MIDEAS: variants seen among roughly 807,000 people sequenced by gnomAD.
MIDEAS encodes mitotic deacetylase-associated SANT domain protein.
Under a neutral mutation model 102.7 loss-of-function variants are expected in MIDEAS, and 26 were observed. That is an observed-to-expected ratio of 0.25 (90% CI 0.19 to 0.35). MIDEAS has a LOEUF of 0.35. Among genes scored for constraint, MIDEAS ranks in the 10% least tolerant of loss-of-function variants. The pLI is 1.00. For synonymous variants in MIDEAS, 585 were observed against 591.0 expected (o/e 0.99, Z 0.15); for missense variants, 1,231 against 1,435.6 (o/e 0.86, Z 2.30).
intron 1 of MIDEAS, among the ~76,000 whole-genome samples, chr14:73,754,664 G>A (rs1054258404): frequency 6.6e-6 from 1 of 152,144 alleles, no homozygotes; most frequent in African/African-American, 2.4e-5. Flanking sequence ...CTGGAATTAG[G>A]ACTATGACCC....
chr14:73,762,607 G>C (rs188107714), upstream of MIDEAS, among the ~76,000 whole-genome samples: 6 of 152,288 alleles, frequency 3.9e-5, no homozygotes, highest in Admixed American at 2.6e-4. Context: ...CAGCGCTTCC[G>C]GGAAAGCCCT....
chr14:73,719,411 C>T lies in MIDEAS; in HGVS notation c.3028G>A (p.Gly1010Arg), dbSNP rs202148024. 1 of 1,614,126 alleles carries T rather than the reference C, an allele frequency of 6.2e-7. No homozygotes were observed. The highest frequency in any genetic ancestry group is 2.2e-5 in the East Asian group (1 of 44,868). ...QASEKPREGT[G>R]KSRRALPFSE... ...AAAGGTAGTGCCCTTCGTGACTTCC[C>T]TGTCCCTTCCCTTGGCTTCTCCGAG... The change falls in exon 12 of 13, where the codon GGG (glycine) becomes AGG (arginine). Residue 1010 changes from glycine to arginine, a missense_variant. Around this residue, in one of 5 missense-constraint regions of MIDEAS, gnomAD observed 391 missense variants for 483.0 expected, o/e 0.81. Coordinates refer to ENST00000423556, the MANE Select transcript of MIDEAS (RefSeq NM_001367710.1).
intron 9 of MIDEAS, chr14:73,724,562 C>T (rs1206699178): frequency 6.6e-6 from 1 of 152,586 alleles, no homozygotes; most frequent in East Asian, 1.9e-4. Flanking sequence ...CAACAGGGCC[C>T]TTGTAGGGGA....
chr14:73,726,682 G>A lies in MIDEAS; in HGVS notation c.2331C>T (p.Cys777=), dbSNP rs1157474574. The change falls in exon 7 of 13, where the codon TGC becomes TGT. Residue 777 remains cysteine, a synonymous_variant. Transcript: ENST00000423556. ...TGCCAGCACCAGGGAAAATGCTGGA[G>A]CAGGCGGCTGTCAGCAGGTCTTCCA... ...RQVEDLLTAA[C]SSIFPGAGTN... The A allele has an allele frequency of 2.5e-6, 4 of 1,614,140 alleles. No individual in the cohort carries two copies. Among genetic ancestry groups the A allele is most frequent in the Admixed American group, 1.7e-5 (1 of 60,012 alleles).
upstream of MIDEAS, chr14:73,789,090 C>T (rs1189056254): frequency 6.6e-6 from 1 of 152,118 alleles, no homozygotes; most frequent in Non-Finnish European, 1.5e-5. Flanking sequence ...CTAAGATGCG[C>T]CCCCTGCCAA....
Position 73,739,406 on chromosome 14 carries a change from G to C in MIDEAS, c.603C>G (p.Phe201Leu). ...VGRPQAPLNS[F>L]HAAKKPPNQS... ...GGTTTGGGGGTTTCTTGGCTGCGTG[G>C]AAAGAATTCAGGGGTGCCTGGGGCC... The change falls in exon 2 of 13, where the codon TTC becomes TTG. Residue 201 changes from phenylalanine (F) to leucine (L), a missense_variant. Transcript: ENST00000423556. The C allele has an allele frequency of 6.3e-7, 1 of 1,580,400 alleles. No homozygotes were observed. Among genetic ancestry groups the C allele is most frequent in the Non-Finnish European group, 8.6e-7 (1 of 1,161,476 alleles).
intron 3 of MIDEAS, among the ~76,000 whole-genome samples, chr14:73,730,377 AGTT>A (rs2053123101): frequency 6.6e-6 from 1 of 152,218 alleles, no homozygotes; most frequent in Non-Finnish European, 1.5e-5. Context: ...AGAGTACAGT[AGTT>A]CAGGGCCCAG....
chr14:73,758,211 G>A (rs1566602691), intron 1 of MIDEAS, among the ~76,000 whole-genome samples: 1 of 152,214 alleles, frequency 6.6e-6, no homozygotes, highest in Non-Finnish European at 1.5e-5. Flanking sequence ...AGAGCAGTTG[G>A]AAAAGGAAGA....
At chr14:73,783,764 G>T (rs1474503713) in intron 1 of MIDEAS, among the ~76,000 whole-genome samples, 1 of 152,212 alleles carries the variant, frequency 6.6e-6, no homozygotes, top group Non-Finnish European at 1.5e-5. Flanking sequence ...AAGAAATGAA[G>T]AGGGGCACAT....
chr14:73,725,394 G>T lies in MIDEAS; in HGVS notation c.2486-34C>A. On this transcript the variant is annotated intron_variant, in intron 8 of 12. Transcript: ENST00000423556. The surrounding 1 kb of genome is among the most constrained non-coding windows in gnomAD (Gnocchi z 4.1). The stretch of plus-strand genomic sequence containing the variant: ...CAAAGAGGCAGCCAGGGAGTGAGGT[G>T]GGCAGGGCCCTGGCCACTGCAGGGC... 6.3e-7 allele frequency: 1 copy of T among 1,587,396 alleles called. No homozygotes were observed. Among genetic ancestry groups the T allele is most frequent in the Non-Finnish European group, 8.7e-7 (1 of 1,156,068 alleles).
intron 1 of MIDEAS, among the ~76,000 whole-genome samples, chr14:73,780,483 C>T (rs190437089): frequency 1.2e-4 from 19 of 152,316 alleles, no homozygotes; most frequent in Non-Finnish European, 2.2e-4. Flanking sequence ...TCCTCGGGTT[C>T]TTCATTCTTT....
At chr14:73,757,468 C>T (rs1227503294) in intron 1 of MIDEAS, among the ~76,000 whole-genome samples, 2 of 152,172 alleles carry the variant, frequency 1.3e-5, no homozygotes, top group East Asian at 3.9e-4. Flanking sequence ...TGTTTTTGAC[C>T]ACCACACTGC....
rs1195589764 is a variant in MIDEAS at position 73,759,064 on chromosome 14, G to A, written c.-248+699C>T. 1.3e-5 allele frequency among the ~76,000 whole-genome samples: 2 copies of A among 152,140 alleles called. No homozygotes were observed. The highest frequency in any genetic ancestry group is 2.4e-5 in the African/African-American group (1 of 41,450). On this transcript the variant is annotated intron_variant, in intron 1 of 12. Coordinates refer to ENST00000423556, the MANE Select transcript of MIDEAS (RefSeq NM_001367710.1). The surrounding 1 kb of genome is among the most constrained non-coding windows in gnomAD (Gnocchi z 6.7). ...CCGCGCGGGCTGGGAGGGCTGCGGC[G>A]GCGCGGGCGTGCGGGGGCGCGCGGG...
chr14:73,772,221 T>TC (rs2053648199), intron 1 of MIDEAS, among the ~76,000 whole-genome samples: 1 of 152,276 alleles, frequency 6.6e-6, no homozygotes, highest in African/African-American at 2.4e-5. Context: ...TGGGAGTCCC[T>TC]CCCCCTGGCC....
At chr14:73,755,945 C>G in intron 1 of MIDEAS, among the ~76,000 whole-genome samples, 1 of 152,184 alleles carries the variant, frequency 6.6e-6, no homozygotes, top group Non-Finnish European at 1.5e-5. Flanking sequence ...CCTGTCTAAT[C>G]TTCACAGCCT....
At chr14:73,781,734 CAAAAAA>C (rs72374466) in intron 1 of MIDEAS, among the ~76,000 whole-genome samples, 1 of 73,590 alleles carries the variant, frequency 1.4e-5, no homozygotes, top group Non-Finnish European at 2.4e-5. Flanking sequence ...AACTCTGTCT[CAAAAAA>C]AAAAAAAAAA....
rs1414541172 is a variant in MIDEAS at position 73,721,496 on chromosome 14, A to G, written c.2738T>C (p.Phe913Ser). The G allele has an allele frequency of 6.2e-7, 1 of 1,613,706 alleles. No individual in the cohort carries two copies. The highest frequency in any genetic ancestry group is 1.3e-5 in the African/African-American group (1 of 74,804). Residue 913 changes from phenylalanine (F) to serine (S), a missense_variant, in exon 11 of 13, where the codon TTC becomes TCC. Physicochemically the swap from Phe to Ser is radical, Grantham distance 155. This residue lies in a region of MIDEAS where 391 missense variants were observed against 483.0 expected (regional missense o/e 0.81). Transcript: ENST00000423556. ...TCTTCTGGGAAGAGGCACCCTTGGG[A>G]ACTTTTGGGAAGTCTATGGGGAACA... is the stretch of plus-strand genomic sequence containing the variant. Reference protein sequence around the residue: ...VEVDIKTSQKFPRVPLPRRES... With the variant: ...VEVDIKTSQKSPRVPLPRRES...
intron 9 of MIDEAS, chr14:73,723,673 TTAACGATTGCTAAA>T (rs2053025611): frequency 1.3e-5 from 2 of 152,232 alleles, no homozygotes; most frequent in Admixed American, 6.5e-5. Flanking sequence ...ATAGCCAATG[TTAACGATTGCTAAA>T]TCTAAGTCCG....
Position 73,719,402 on chromosome 14 carries a change from G to C in MIDEAS, c.3037C>G (p.Arg1013Gly). The C allele has an allele frequency of 5.6e-6, 9 of 1,613,998 alleles. No homozygotes were observed. Among genetic ancestry groups the C allele is most frequent in the Non-Finnish European group, 7.6e-6 (9 of 1,179,984 alleles). Residue 1013 changes from arginine to glycine, a missense_variant, in exon 12 of 13, where the codon CGA becomes GGA. Arg to Gly is a moderately radical substitution (Grantham distance 125). Coordinates refer to ENST00000423556, the MANE Select transcript of MIDEAS (RefSeq NM_001367710.1). ...EKPREGTGKS[R>G]RALPFSEKKK... ...TTCTCTGAAAAAGGTAGTGCCCTTCGTGACTTCCCTGTCCCTTCCCTTGGC... is the reference window on the plus strand; with the variant it reads ...TTCTCTGAAAAAGGTAGTGCCCTTCCTGACTTCCCTGTCCCTTCCCTTGGC...
Sources: allele counts gnomAD v4.1 joint callset (sites outside exome capture counted in the v4.1 genomes callset), GRCh38; gene constraint gnomAD v4.1.1; regional missense constraint gnomAD v4.1.1; non-coding constraint Gnocchi (gnomAD v3.1); transcripts MANE v1.5; gene names NCBI Gene and HGNC (gene_info 2026-07-23, HGNC 2026-07-21).